RNASEH1: variants seen among roughly 807,000 people sequenced by gnomAD.
RNASEH1 encodes the protein ribonuclease H type II.
A neutral mutation model predicts 34.6 loss-of-function variants in RNASEH1; 27 were observed. The observed-to-expected ratio is 0.78, with a 90% CI of 0.58 to 1.08. The LOEUF (loss-of-function observed/expected upper bound fraction) is 1.08, where lower values mean the gene tolerates loss of function less well. Among genes scored for constraint, RNASEH1 ranks in the 50% least tolerant of loss-of-function variants. RNASEH1 has a pLI of 0.00. For missense variants in RNASEH1, 349 were observed against 373.6 expected (o/e 0.93, Z 0.54); for synonymous variants, 162 against 138.4 (o/e 1.17, Z -1.20).
chr2:3,558,058 C>G (rs1660716041), intron 1 of RNASEH1, 75 bp downstream of exon 1: 7 of 1,491,154 alleles, frequency 4.7e-6, no homozygotes, highest in Middle Eastern at 2.1e-4. Flanking sequence ...GCTCCCGCCG[C>G]CGGGGTTAGC....
At chr2:3,539,594 C>G (rs547626850), downstream of RNASEH1, among the ~76,000 whole-genome samples, 43 of 152,196 alleles carry the variant, frequency 2.8e-4, no homozygotes, top group African/African-American at 1.0e-3. Context: ...GCCGGCCCTC[C>G]CCATGTTACC....
downstream of RNASEH1, among the ~76,000 whole-genome samples, chr2:3,538,849 A>G (rs918123766): frequency 1.1e-4 from 17 of 152,244 alleles, no homozygotes; most frequent in African/African-American, 3.6e-4. Context: ...CTCAGCACCA[A>G]CACAGGTGAG....
At position 3,547,778 on chromosome 2, in the gene RNASEH1, C is replaced by T. The variant is rs546782827; in HGVS notation, c.774+153G>A. ...CTGGGATTATAGGCGTGAGCCACTACGCCCAGCCTCAAATACGTTGTAATA... is the reference window on the plus strand; with the variant it reads ...CTGGGATTATAGGCGTGAGCCACTATGCCCAGCCTCAAATACGTTGTAATA... On this transcript the variant is annotated intron_variant, in intron 7 of 7. Transcript: ENST00000315212. Among the ~76,000 whole-genome samples the T allele has an allele frequency of 3.9e-5, 6 of 152,310 alleles. No homozygotes were observed. The East Asian group carries it at 5.8e-4, about 15-fold the overall frequency.
Position 3,558,188 on chromosome 2 carries a change from A to T in RNASEH1, c.73T>A (p.Phe25Ile). Reference sequence around the variant, plus strand: ...CTCCTCACGGCATAGAACATCCCGAACCCGCGAGAGCCGCGGCGGCAGGGC... The same window carrying T: ...CTCCTCACGGCATAGAACATCCCGATCCCGCGAGAGCCGCGGCGGCAGGGC... ...ALPCRRGSRG[F>I]GMFYAVRRGR... is the part of the protein sequence containing the mutation. Residue 25 changes from phenylalanine to isoleucine, a missense_variant, in exon 1 of 8, where the codon TTC becomes ATC. Physicochemically the swap from Phe to Ile is conservative, Grantham distance 21 (BLOSUM62 0). Around this residue, in one of 2 missense-constraint regions of RNASEH1, gnomAD observed 256 missense variants for 240.7 expected, o/e 1.06. Coordinates refer to ENST00000315212, the MANE Select transcript of RNASEH1 (RefSeq NM_002936.6). The T allele has an allele frequency of 6.2e-7, 1 of 1,602,468 alleles. No homozygotes were observed. Among genetic ancestry groups the T allele is most frequent in the South Asian group, 1.1e-5 (1 of 89,568 alleles).
chr2:3,550,839 A>G (rs554773239), intron 3 of RNASEH1, among the ~76,000 whole-genome samples: 1 of 152,328 alleles, frequency 6.6e-6, no homozygotes, highest in South Asian at 2.1e-4. Flanking sequence ...TCCAGAGACG[A>G]GCAGCGCCTC....
chr2:3,557,918 T>C, intron 1 of RNASEH1: 1 of 1,526,702 alleles, frequency 6.6e-7, no homozygotes, highest in Non-Finnish European at 8.8e-7. Flanking sequence ...TTCTGATATT[T>C]CAAACAAGTC....
intron 2 of RNASEH1, among the ~76,000 whole-genome samples, chr2:3,555,301 A>G (rs1408520549): frequency 6.6e-6 from 1 of 152,162 alleles, no homozygotes; most frequent in Admixed American, 6.5e-5. Flanking sequence ...TGGCTCTCGG[A>G]AAAAAGTCGC....
chr2:3,547,481 AT>A lies in RNASEH1; in HGVS notation c.774+449del, dbSNP rs751838150. Among the ~76,000 whole-genome samples, 636 of 139,416 alleles carry A rather than the reference AT, an allele frequency of 4.6e-3. 4 individuals are homozygous for A. Among genetic ancestry groups the A allele is most frequent in the East Asian group, 0.024 (115 of 4,772 alleles). 91.5% of individuals were successfully genotyped at this position (139,416 alleles called of 152,430 possible). The stretch of plus-strand genomic sequence containing the variant: ...TGAACCACTGAGCCCAGGCTCACAT[AT>A]TTTTTTTTTTTTTTTGAGACGGGGT... On this transcript the variant is annotated intron_variant, in intron 7 of 7. Transcript: ENST00000315212.
chr2:3,548,008 T>C lies in RNASEH1; in HGVS notation c.697A>G (p.Ser233Gly), dbSNP rs1486452576. The C allele has an allele frequency of 6.2e-7, 1 of 1,613,926 alleles. No individual in the cohort carries two copies. The highest frequency in any genetic ancestry group is 8.5e-7 in the Non-Finnish European group (1 of 1,179,814). ...TTGTTGATCACCTCTTTCCCTGCACTTGTCTTCCACCCATTTTTCTTCCAA... is the reference window on the plus strand; with the variant it reads ...TTGTTGATCACCTCTTTCCCTGCACCTGTCTTCCACCCATTTTTCTTCCAA... ...QGWKKNGWKT[S>G]AGKEVINKED... The change falls in exon 7 of 8, where the codon AGT (serine) becomes GGT (glycine). Residue 233 changes from serine to glycine, a missense_variant. Physicochemically the swap from Ser to Gly is moderately conservative, Grantham distance 56. Around this residue, in one of 2 missense-constraint regions of RNASEH1, gnomAD observed 93 missense variants for 132.9 expected, o/e 0.70. Transcript: ENST00000315212.
chr2:3,546,865 G>C (rs1668801438), intron 7 of RNASEH1, among the ~76,000 whole-genome samples: 1 of 152,202 alleles, frequency 6.6e-6, no homozygotes, highest in African/African-American at 2.4e-5. Flanking sequence ...CAAAACAAAT[G>C]TAATCCCAGC....
Position 3,557,935 on chromosome 2 carries a change from G to C in RNASEH1, c.128+198C>G. On this transcript the variant is annotated intron_variant, in intron 1 of 7. Transcript: ENST00000315212. Reference sequence around the variant, plus strand: ...CTGATATTTCAAACAAGTCTTCGGTGCGTTCCAGTCCCAGGCCATGAGCCT... The same window carrying C: ...CTGATATTTCAAACAAGTCTTCGGTCCGTTCCAGTCCCAGGCCATGAGCCT... The C allele has an allele frequency of 5.9e-6, 9 of 1,530,176 alleles. No homozygotes were observed. In the South Asian group the frequency reaches 1.1e-4, roughly 19 times the overall value. The allele number at this position is 1,530,176 out of a possible 1,614,324, so 94.8% of individuals were successfully genotyped here. A position where few individuals can be genotyped will look rare whatever the true frequency, so the allele number is the denominator to read the frequency against.
chr2:3,542,937 G>C lies in RNASEH1; in HGVS notation c.*2848C>G, dbSNP rs899397466. ...TCTAGAAATAATGACCAACGCAATAGCAATGAGCATCCTAAACTGGATCTG... is the reference window on the plus strand; with the variant it reads ...TCTAGAAATAATGACCAACGCAATACCAATGAGCATCCTAAACTGGATCTG... On this transcript the variant is annotated 3_prime_UTR_variant, in exon 8 of 8. Coordinates refer to ENST00000315212, the MANE Select transcript of RNASEH1 (RefSeq NM_002936.6). Among the ~76,000 whole-genome samples the C allele has an allele frequency of 1.3e-5, 2 of 152,138 alleles. No individual in the cohort carries two copies. The highest frequency in any genetic ancestry group is 3.8e-4 in the East Asian group (2 of 5,202).
At chr2:3,546,998 C>T (rs1668818590) in intron 7 of RNASEH1, among the ~76,000 whole-genome samples, 1 of 152,162 alleles carries the variant, frequency 6.6e-6, no homozygotes. Flanking sequence ...TGGCATATGC[C>T]TGTAATCCCA....
chr2:3,532,908 C>T, the RNASEH1 span, among the ~76,000 whole-genome samples: 2 of 152,222 alleles, frequency 1.3e-5, no homozygotes, highest in East Asian at 3.9e-4. Context: ...CATGGAGGCG[C>T]TCTCCCGCGC....
the RNASEH1 span, chr2:3,532,047 G>A: frequency 3.5e-6 from 2 of 569,356 alleles, no homozygotes; most frequent in South Asian, 4.3e-5. Context: ...AAGACAGCAA[G>A]ATTTCTCAAA....
At chr2:3,549,834 T>C (rs879489388) in intron 4 of RNASEH1, among the ~76,000 whole-genome samples, 76 of 151,838 alleles carry the variant, frequency 5.0e-4, no homozygotes, top group South Asian at 2.5e-3. Flanking sequence ...TAGTCCCAGC[T>C]ACTCGGGAGG....
At chr2:3,540,538 A>C (rs928045558), downstream of RNASEH1, among the ~76,000 whole-genome samples, 3 of 152,172 alleles carry the variant, frequency 2.0e-5, no homozygotes, top group African/African-American at 7.2e-5. Context: ...CCTCCCGAGT[A>C]GCTGGGATTA....
chr2:3,555,952 T>C (rs1660452763), intron 2 of RNASEH1, among the ~76,000 whole-genome samples: 1 of 152,040 alleles, frequency 6.6e-6, no homozygotes, highest in Non-Finnish European at 1.5e-5. Context: ...AGGTGAATCA[T>C]TTGAGGTCAG....
chr2:3,540,302 C>T (rs1390053042), downstream of RNASEH1, among the ~76,000 whole-genome samples: 2 of 123,804 alleles, frequency 1.6e-5, no homozygotes, highest in African/African-American at 8.1e-5. Context: ...AATATATTTT[C>T]TTTTAATAAA....
Sources: allele counts gnomAD v4.1 joint callset (sites outside exome capture counted in the v4.1 genomes callset), GRCh38; gene constraint gnomAD v4.1.1; regional missense constraint gnomAD v4.1.1; transcripts MANE v1.5; gene names NCBI Gene and HGNC (gene_info 2026-07-23, HGNC 2026-07-21).